The following RASGEF1C variants were observed in gnomAD, a reference collection of about 807,000 sequenced individuals.
RASGEF1C encodes ras-GEF domain-containing family member 1C.
RASGEF1C carries 27 observed loss-of-function variants against 58.1 expected under a neutral mutation model. The observed-to-expected ratio is 0.46, with a 90% CI of 0.34 to 0.64. RASGEF1C has a LOEUF of 0.64. RASGEF1C is among the 30% of genes least tolerant of loss of function. RASGEF1C has a pLI of 0.01. For missense variants in RASGEF1C, 502 were observed against 605.1 expected, an observed-to-expected ratio of 0.83 and a Z score of 1.79; for synonymous variants, 243 against 246.3, an observed-to-expected ratio of 0.99 and a Z score of 0.13.
intron 4 of RASGEF1C, among the ~76,000 whole-genome samples, chr5:180,133,004 G>A (rs1234715243): frequency 6.7e-6 from 1 of 149,888 alleles, no homozygotes; most frequent in Non-Finnish European, 1.5e-5. Flanking sequence ...ACCAGTCCTC[G>A]GAGAGGGGCT....
At chr5:180,191,327 C>T (rs962404761) in intron 1 of RASGEF1C, among the ~76,000 whole-genome samples, 3 of 152,030 alleles carry the variant, frequency 2.0e-5, no homozygotes, top group African/African-American at 7.2e-5. Context: ...CACACAAAGA[C>T]TTGCTTATAA....
rs905332768 is a variant in RASGEF1C at position 180,137,903 on chromosome 5, C to T, written c.150G>A (p.Leu50=). The part of the protein sequence containing the change: ...SASLETLIQH[L]VPTADYYPEK... ...CGGGGTAGTAGTCGGCTGTGGGCAC[C>T]AGGTGCTGGATCAGTGTTTCCAGGG... Residue 50 remains leucine (L), a synonymous_variant, in exon 2 of 14, where the codon CTG becomes CTA. Coordinates refer to ENST00000361132, the MANE Select transcript of RASGEF1C (RefSeq NM_175062.4). This position sits in a 1 kb window ranked among gnomAD's most constrained non-coding sequence, Gnocchi z 4.1. 3.7e-6 allele frequency: 6 copies of T among 1,613,062 alleles called. No individual in the cohort carries two copies. In the Admixed American group the frequency reaches 1.0e-4, roughly 27 times the overall value.
At chr5:180,190,423 G>A (rs1276740407) in intron 1 of RASGEF1C, among the ~76,000 whole-genome samples, 1 of 148,610 alleles carries the variant, frequency 6.7e-6, no homozygotes, top group African/African-American at 2.5e-5. Flanking sequence ...CTGGGAGGCG[G>A]AGCTTGCAGT....
intron 1 of RASGEF1C, among the ~76,000 whole-genome samples, chr5:180,142,895 G>A (rs780758958): frequency 2.0e-5 from 3 of 152,082 alleles, no homozygotes; most frequent in African/African-American, 4.8e-5. Flanking sequence ...CTGGGGGCAC[G>A]TGCCCCCGCT....
At chr5:180,103,294 G>C (rs979791272) in intron 12 of RASGEF1C, among the ~76,000 whole-genome samples, 1 of 152,140 alleles carries the variant, frequency 6.6e-6, no homozygotes, top group Non-Finnish European at 1.5e-5. Flanking sequence ...AGCCAGGATG[G>C]TCTCGATCTC....
chr5:180,174,542 G>A (rs554178742), intron 1 of RASGEF1C, among the ~76,000 whole-genome samples: 1,543 of 127,180 alleles, frequency 0.012, 18 homozygotes, highest in South Asian at 0.034. Context: ...CTGTGTGTGC[G>A]TGTGTGCGTG....
chr5:180,153,946 T>G (rs1011321325), intron 1 of RASGEF1C, among the ~76,000 whole-genome samples: 6 of 152,146 alleles, frequency 3.9e-5, no homozygotes, highest in Admixed American at 3.3e-4. Context: ...TGTTGGTTTG[T>G]TGGGAGGGGC....
At chr5:180,173,783 GGC>G (rs369384842) in intron 1 of RASGEF1C, among the ~76,000 whole-genome samples, 1 of 151,930 alleles carries the variant, frequency 6.6e-6, no homozygotes, top group Admixed American at 6.6e-5. Flanking sequence ...CGTGGTGGTG[GGC>G]GCCTGTAATC....
Position 180,152,756 on chromosome 5 carries a change from C to CA in RASGEF1C, c.-6-14699dup, listed in dbSNP as rs903136470. Among the ~76,000 whole-genome samples, 640 of 149,096 alleles carry CA rather than the reference C, an allele frequency of 4.3e-3. 8 individuals are homozygous for CA. Among genetic ancestry groups the CA allele is most frequent in the African/African-American group, 0.015 (614 of 40,548 alleles). ...AGAAAACCTGTCTCTACTAAAAATA[C>CA]AAAAAATTAGCTGGGCGTGGTGGCA... On this transcript the variant is annotated intron_variant, in intron 1 of 13. Transcript: ENST00000361132.
At chr5:180,126,680 C>T (rs1386720181) in intron 6 of RASGEF1C, among the ~76,000 whole-genome samples, 14 of 152,304 alleles carry the variant, frequency 9.2e-5, no homozygotes, top group Non-Finnish European at 1.5e-5. Flanking sequence ...TAGTTATAGA[C>T]GTTTCATAAT....
At chr5:180,136,270 G>T in intron 4 of RASGEF1C, 108 bp downstream of exon 4, 1 of 1,150,632 alleles carries the variant, frequency 8.7e-7, no homozygotes. Context: ...TGGACGGGCC[G>T]TGGTGTGCAG....
intron 1 of RASGEF1C, among the ~76,000 whole-genome samples, chr5:180,199,805 C>T (rs1756350712): frequency 6.6e-6 from 1 of 151,808 alleles, no homozygotes; most frequent in African/African-American, 2.4e-5. Context: ...GCTGGGACTA[C>T]AGGTATCAGT....
chr5:180,207,097 C>A (rs1426962516), intron 1 of RASGEF1C, among the ~76,000 whole-genome samples: 1 of 152,180 alleles, frequency 6.6e-6, no homozygotes, highest in Non-Finnish European at 1.5e-5. Context: ...TAGAAACACA[C>A]GAAGCTAACA....
At position 180,132,295 on chromosome 5, in the gene RASGEF1C, A is replaced by C. The variant is rs1329418522; in HGVS notation, c.439-3685T>G. Among the ~76,000 whole-genome samples the C allele has an allele frequency of 2.0e-5, 3 of 152,192 alleles. No individual in the cohort carries two copies. The East Asian group carries it at 5.8e-4, about 29-fold the overall frequency. On this transcript the variant is annotated intron_variant, in intron 4 of 13. Transcript: ENST00000361132. ...TTTCCACAAGCCATCTGCTGCGTGC[A>C]TAGAGCCGGGTGTGAATGCGGAGTC...
chr5:180,126,992 C>G (rs1766274217), intron 6 of RASGEF1C, among the ~76,000 whole-genome samples: 1 of 151,286 alleles, frequency 6.6e-6, no homozygotes, highest in South Asian at 2.1e-4. Flanking sequence ...GTGAAAAATG[C>G]AATCTCATAG....
intron 12 of RASGEF1C, among the ~76,000 whole-genome samples, chr5:180,108,179 A>C (rs1765899493): frequency 6.7e-6 from 1 of 149,316 alleles, no homozygotes; most frequent in Non-Finnish European, 1.5e-5. Context: ...CCCTGAAAAT[A>C]TGTTTCAGTC....
At chr5:180,176,803 G>C (rs1017361694) in intron 1 of RASGEF1C, among the ~76,000 whole-genome samples, 1 of 152,198 alleles carries the variant, frequency 6.6e-6, no homozygotes, top group Non-Finnish European at 1.5e-5. Flanking sequence ...TGATCCGCCC[G>C]CCTCGGCCTC....
chr5:180,207,178 A>T (rs879427700), intron 1 of RASGEF1C, among the ~76,000 whole-genome samples: 1 of 152,248 alleles, frequency 6.6e-6, no homozygotes, highest in African/African-American at 2.4e-5. Context: ...ATGCTGACCT[A>T]GCAGGTTTTG....
intron 1 of RASGEF1C, among the ~76,000 whole-genome samples, chr5:180,201,998 A>T (rs956552977): frequency 3.3e-5 from 5 of 152,232 alleles, no homozygotes; most frequent in Admixed American, 1.3e-4. Flanking sequence ...CTAAAAATTC[A>T]GACACATGAA....
Sources: allele counts gnomAD v4.1 joint callset (sites outside exome capture counted in the v4.1 genomes callset), GRCh38; gene constraint gnomAD v4.1.1; non-coding constraint Gnocchi (gnomAD v3.1); transcripts MANE v1.5; gene names NCBI Gene and HGNC (gene_info 2026-07-23, HGNC 2026-07-21).